RPF2: variants seen among roughly 807,000 people sequenced by gnomAD.
RPF2 encodes ribosome production factor 2 homolog, also known as brix domain containing 1.
RPF2 carries 21 observed loss-of-function variants against 38.9 expected under a neutral mutation model. The ratio of observed to expected loss-of-function variants is 0.54; its 90% CI spans 0.38 to 0.78. The LOEUF is 0.78. Among genes scored for constraint, RPF2 ranks in the 30% least tolerant of loss-of-function variants. The pLI is 0.00. For synonymous variants in RPF2, 121 were observed against 126.2 expected (o/e 0.96, Z 0.28); for missense variants, 314 against 358.1 (o/e 0.88, Z 0.99).
intron 4 of RPF2, among the ~76,000 whole-genome samples, chr6:110,994,729 A>T (rs58165375): frequency 0.071 from 8,610 of 122,100 alleles, 580 homozygotes; most frequent in African/African-American, 0.14. Flanking sequence ...TGGGATGAGT[A>T]TATATACACA....
At chr6:110,995,800 T>C (rs1441433333) in intron 4 of RPF2, among the ~76,000 whole-genome samples, 2 of 152,104 alleles carry the variant, frequency 1.3e-5, no homozygotes, top group Non-Finnish European at 2.9e-5. Flanking sequence ...GAGAACCAAA[T>C]GGATAAGATC....
At chr6:111,020,101 G>A (rs1234977811) in intron 8 of RPF2, among the ~76,000 whole-genome samples, 1 of 152,082 alleles carries the variant, frequency 6.6e-6, no homozygotes, top group Non-Finnish European at 1.5e-5. Flanking sequence ...TGTATTTTTA[G>A]TAGAGACAGG....
At chr6:110,985,706 G>A (rs1375525263) in intron 2 of RPF2, among the ~76,000 whole-genome samples, 3 of 152,192 alleles carry the variant, frequency 2.0e-5, no homozygotes, top group East Asian at 3.9e-4. Context: ...TTGGGAGGCC[G>A]AGGCAGGAGG....
intron 7 of RPF2, among the ~76,000 whole-genome samples, chr6:111,013,447 T>C (rs912005210): frequency 1.3e-5 from 2 of 152,238 alleles, no homozygotes; most frequent in Admixed American, 6.5e-5. Context: ...TTGCAAACTT[T>C]AGTGAAATTT....
At chr6:111,024,094 G>T in intron 8 of RPF2, 89 bp from the exon 9 acceptor site, 1 of 1,115,354 alleles carries the variant, frequency 9.0e-7, no homozygotes, top group Non-Finnish European at 1.3e-6. Flanking sequence ...TCATTTAATG[G>T]AATTGTAAAT....
intron 3 of RPF2, among the ~76,000 whole-genome samples, chr6:110,990,984 TACCAC>T (rs1162370744): frequency 6.6e-6 from 1 of 152,150 alleles, no homozygotes; most frequent in African/African-American, 2.4e-5. Context: ...TCTTTTTCCT[TACCAC>T]AGCCCTGGAA....
rs1443055876 is a variant in RPF2 at position 111,027,449 on chromosome 6, AAAG to A, written c.*1870_*1872del. The A allele has an allele frequency of 6.6e-6, 1 of 152,178 alleles. No homozygotes were observed. Among genetic ancestry groups the A allele is most frequent in the Non-Finnish European group, 1.5e-5 (1 of 68,044 alleles). 9.4% of individuals were successfully genotyped at this position (152,178 alleles called of 1,614,324 possible). On this transcript the variant is annotated 3_prime_UTR_variant, in exon 10 of 10. Coordinates refer to ENST00000441448, the MANE Select transcript of RPF2 (RefSeq NM_032194.3). ...CAATAGCTGAGAAGGGGAGCCATGA[AAAG>A]AACATCAGGAGTGATGGACGCATAG...
intron 6 of RPF2, among the ~76,000 whole-genome samples, chr6:111,000,799 T>C (rs1478249531): frequency 6.6e-6 from 1 of 152,154 alleles, no homozygotes. Context: ...AGGGGTTTCA[T>C]TGGTGAACTA....
chr6:111,006,682 A>G (rs1439165076), intron 6 of RPF2, among the ~76,000 whole-genome samples: 10 of 152,132 alleles, frequency 6.6e-5, no homozygotes, highest in African/African-American at 2.4e-4. Context: ...ATCATGGCTC[A>G]CTGCAGCCTC....
chr6:111,014,566 T>A (rs1336527279), intron 7 of RPF2, among the ~76,000 whole-genome samples: 1 of 152,228 alleles, frequency 6.6e-6, no homozygotes. Context: ...GGCTACAGAA[T>A]GGGACTAGAA....
chr6:111,002,654 A>G (rs1287240915), intron 6 of RPF2, among the ~76,000 whole-genome samples: 1 of 152,190 alleles, frequency 6.6e-6, no homozygotes, highest in Non-Finnish European at 1.5e-5. Context: ...CTTAACAAGA[A>G]CCATTTAAAT....
chr6:110,985,287 T>TTTACC, intron 2 of RPF2, 149 bp downstream of exon 2: 1 of 625,176 alleles, frequency 1.6e-6, no homozygotes, highest in South Asian at 3.5e-5. Flanking sequence ...TGGGGGTTTA[T>TTTACC]TTACCTTGCG....
chr6:110,995,088 A>G (rs1305165063), intron 4 of RPF2, among the ~76,000 whole-genome samples: 1 of 151,894 alleles, frequency 6.6e-6, no homozygotes, highest in Non-Finnish European at 1.5e-5. Context: ...TATTTTTACT[A>G]GAGACGGGAT....
chr6:111,002,319 A>G (rs549274283), intron 6 of RPF2, among the ~76,000 whole-genome samples: 3 of 152,106 alleles, frequency 2.0e-5, no homozygotes, highest in Non-Finnish European at 2.9e-5. Flanking sequence ...CCACAAAACC[A>G]TTATTGTTTG....
intron 8 of RPF2, among the ~76,000 whole-genome samples, chr6:111,017,184 A>G (rs1228001341): frequency 1.3e-5 from 2 of 152,172 alleles, no homozygotes; most frequent in African/African-American, 4.8e-5. Context: ...CCCGTTCTCA[A>G]TGAGCTGTTG....
chr6:111,002,456 G>A, intron 6 of RPF2, among the ~76,000 whole-genome samples: 1 of 152,044 alleles, frequency 6.6e-6, no homozygotes. Flanking sequence ...TCCTGCCTCA[G>A]TCTCCTGAGT....
chr6:111,020,280 A>G (rs1772208496), intron 8 of RPF2, among the ~76,000 whole-genome samples: 2 of 152,026 alleles, frequency 1.3e-5, no homozygotes, highest in Admixed American at 6.6e-5. Flanking sequence ...CAGTGGCATC[A>G]TCTCAGCTCA....
In RPF2 at chr6:111,023,107, C is replaced by T. The variant is rs1054071490; in HGVS notation, c.597-1076C>T. Among the ~76,000 whole-genome samples, 21 of 152,312 alleles carry T rather than the reference C, an allele frequency of 1.4e-4. 1 individual carries two copies. Among genetic ancestry groups the T allele is most frequent in the African/African-American group, 5.1e-4 (21 of 41,556 alleles). On this transcript the variant is annotated intron_variant, in intron 8 of 9. Transcript: ENST00000441448. ...TAGAGATGAGGTTTCACCATGTTGG[C>T]CAGCTGGTCTGGAGCTCCTGACCTC...
chr6:110,990,887 G>A (rs112110078), intron 3 of RPF2, among the ~76,000 whole-genome samples: 19 of 152,164 alleles, frequency 1.2e-4, no homozygotes, highest in African/African-American at 3.6e-4. Flanking sequence ...ACTCTTTTAC[G>A]TTGGTTCCTA....
Sources: gnomAD v4.1 joint callset for allele counts (sites outside exome capture counted in the v4.1 genomes callset) on GRCh38, gnomAD v4.1.1 for gene constraint, MANE v1.5 for transcripts, NCBI Gene and HGNC (gene_info 2026-07-23, HGNC 2026-07-21) for gene names.